SLC35E3: variants seen among roughly 807,000 people sequenced by gnomAD.
SLC35E3 encodes bladder cancer-overexpressed gene 1 protein.
A neutral mutation model predicts 30.8 loss-of-function variants in SLC35E3; 28 were observed. That is an observed-to-expected ratio of 0.91 (90% confidence interval 0.67 to 1.25). The LOEUF (loss-of-function observed/expected upper bound fraction) is 1.25. Ranked by LOEUF, SLC35E3 falls within the 50% of genes most tolerant of loss-of-function variation. The probability of loss-of-function intolerance (pLI) is 0.00; values close to 1 mark genes in which losing one functional copy is unlikely to be tolerated. For missense variants in SLC35E3, 365 were observed against 375.4 expected, an observed-to-expected ratio of 0.97 and a Z score of 0.23; for synonymous variants, 146 against 149.2, an observed-to-expected ratio of 0.98 and a Z score of 0.16.
intron 3 of SLC35E3, among the ~76,000 whole-genome samples, chr12:68,753,832 A>ACACACACC (rs1017957793): frequency 6.6e-6 from 1 of 150,750 alleles, no homozygotes; most frequent in African/African-American, 2.4e-5. Context: ...ACACACACAC[A>ACACACACC]CACCCCAATT....
At position 68,753,111 on chromosome 12, in the gene SLC35E3, C is replaced by CAA. The variant is rs34737156; in HGVS notation, c.672+937_672+938dup. On this transcript the variant is annotated intron_variant, in intron 3 of 4. Coordinates refer to ENST00000398004, the MANE Select transcript of SLC35E3 (RefSeq NM_018656.5). The stretch of plus-strand genomic sequence containing the variant: ...CAGTGAGCTGGGATCACACCTGTCT[C>CAA]AAAAAAAAAAAAAAAAAGAATTAGC... Among the ~76,000 whole-genome samples, 264 of 122,354 alleles carry CAA rather than the reference C, an allele frequency of 2.2e-3. 7 individuals are homozygous for CAA. The highest frequency in any genetic ancestry group is 0.015 in the South Asian group (61 of 4,028). The allele number at this position is 122,354 out of a possible 152,430, so 80.3% of individuals were successfully genotyped here.
chr12:68,753,422 C>T (rs1878879526), intron 3 of SLC35E3, among the ~76,000 whole-genome samples: 1 of 151,810 alleles, frequency 6.6e-6, no homozygotes. Flanking sequence ...CACTGCATTT[C>T]AGCCTGGGCA....
intron 4 of SLC35E3, among the ~76,000 whole-genome samples, chr12:68,761,835 A>G (rs944552197): frequency 5.3e-5 from 8 of 152,158 alleles, no homozygotes; most frequent in African/African-American, 1.9e-4. Flanking sequence ...AAGAGAAAAC[A>G]AGGCTGATTT....
At chr12:68,758,996 T>C (rs1879140487) in intron 3 of SLC35E3, among the ~76,000 whole-genome samples, 161 bp from the exon 4 acceptor site, 1 of 152,194 alleles carries the variant, frequency 6.6e-6, no homozygotes, top group Admixed American at 6.5e-5. Flanking sequence ...CCCAAAGTGC[T>C]GGGATTACAG....
intron 4 of SLC35E3, among the ~76,000 whole-genome samples, chr12:68,763,223 T>C (rs928709541): frequency 2.6e-5 from 4 of 152,200 alleles, no homozygotes; most frequent in African/African-American, 7.2e-5. Context: ...ACCCCTTTTA[T>C]ATAGTGAGGA....
rs1317908862 is a variant in SLC35E3 at position 68,775,011 on chromosome 12, T to C, written c.*10121T>C. 2.0e-5 allele frequency: 3 copies of C among 151,626 alleles called. No homozygotes were observed. The highest frequency in any genetic ancestry group is 7.3e-5 in the African/African-American group (3 of 41,282). 9.4% of individuals were successfully genotyped at this position (151,626 alleles called of 1,614,324 possible). Reference sequence around the variant, plus strand: ...GTAAACCCCTATTTGGCTTACTCACTTAAAAAAATAATAATAATTAGAGAC... The same window carrying C: ...GTAAACCCCTATTTGGCTTACTCACCTAAAAAAATAATAATAATTAGAGAC... On this transcript the variant is annotated 3_prime_UTR_variant, in exon 5 of 5. Transcript: ENST00000398004.
chr12:68,762,938 C>T (rs998575851), intron 4 of SLC35E3, among the ~76,000 whole-genome samples: 1 of 152,162 alleles, frequency 6.6e-6, no homozygotes, highest in Non-Finnish European at 1.5e-5. Context: ...CAGGTGTGAA[C>T]ACTGAGCTCT....
Position 68,765,746 on chromosome 12 carries a change from T to A in SLC35E3, c.*856T>A, listed in dbSNP as rs1177279271. 6.6e-6 allele frequency: 1 copy of A among 151,296 alleles called. No individual in the cohort carries two copies. Among genetic ancestry groups the A allele is most frequent in the Non-Finnish European group, 1.5e-5 (1 of 67,900 alleles). 9.4% of individuals were successfully genotyped at this position (151,296 alleles called of 1,614,324 possible). A position where few individuals can be genotyped will look rare whatever the true frequency, so the allele number is the denominator to read the frequency against. ...TATGTGGGATATATATATATATATA[T>A]ATGGATATGGTTATATATATGGGAT... is the stretch of plus-strand genomic sequence containing the variant. On this transcript the variant is annotated 3_prime_UTR_variant, in exon 5 of 5. Transcript: ENST00000398004.
At chr12:68,747,567 C>T (rs1878640004) in intron 1 of SLC35E3, among the ~76,000 whole-genome samples, 1 of 152,198 alleles carries the variant, frequency 6.6e-6, no homozygotes, top group African/African-American at 2.4e-5. Context: ...CGTGCCTGGC[C>T]TTATATTTAA....
chr12:68,746,830 A>G, intron 1 of SLC35E3, 51 bp downstream of exon 1: 2 of 1,510,956 alleles, frequency 1.3e-6, no homozygotes, highest in Non-Finnish European at 1.8e-6. Flanking sequence ...CACCTCCTGC[A>G]CTGGCCCCGG....
At chr12:68,749,969 G>C (rs1010910753) in intron 2 of SLC35E3, among the ~76,000 whole-genome samples, 2 of 152,120 alleles carry the variant, frequency 1.3e-5, no homozygotes, top group African/African-American at 4.8e-5. Context: ...GTAACTGATG[G>C]CAATGAAGGG....
chr12:68,776,993 C>T lies in SLC35E3; in HGVS notation c.*12103C>T, dbSNP rs1879763956. 6.6e-6 allele frequency: 1 copy of T among 152,110 alleles called. No homozygotes were observed. Among genetic ancestry groups the T allele is most frequent in the African/African-American group, 2.4e-5 (1 of 41,402 alleles). 9.4% of individuals were successfully genotyped at this position (152,110 alleles called of 1,614,324 possible). On this transcript the variant is annotated 3_prime_UTR_variant, in exon 5 of 5. Transcript: ENST00000398004. ...GCCCCATCCCTAGTCACCCCTCATTCCTAGTAGTACCCCCAGTTCTGCTTC... is the reference window on the plus strand; with the variant it reads ...GCCCCATCCCTAGTCACCCCTCATTTCTAGTAGTACCCCCAGTTCTGCTTC...
Position 68,746,629 on chromosome 12 carries a change from C to A in SLC35E3, c.252C>A (p.Phe84Leu). ...GGCTCCTCCTCCTGGCCCTCAGCTT[C>A]TGTGGCTTTGTGGTCTTCACTAACC... The part of the protein sequence containing the change: ...PSRLLLLALS[F>L]CGFVVFTNLS... The change falls in exon 1 of 5, where the codon TTC becomes TTA. Residue 84 changes from phenylalanine (F) to leucine (L), a missense_variant. Coordinates refer to ENST00000398004, the MANE Select transcript of SLC35E3 (RefSeq NM_018656.5). 6.2e-7 allele frequency: 1 copy of A among 1,614,250 alleles called. No individual in the cohort carries two copies. The highest frequency in any genetic ancestry group is 8.5e-7 in the Non-Finnish European group (1 of 1,180,040).
In SLC35E3 at chr12:68,746,204, G is replaced by A; in HGVS notation, c.-174G>A. ...CTAGCTGGCTTACAGGGCGGCGGCGGGGTGTGTGTCCTCTGTTAAGAGTGC... is the reference window on the plus strand; with the variant it reads ...CTAGCTGGCTTACAGGGCGGCGGCGAGGTGTGTGTCCTCTGTTAAGAGTGC... On this transcript the variant is annotated 5_prime_UTR_variant, in exon 1 of 5. Transcript: ENST00000398004. 1.9e-6 allele frequency: 1 copy of A among 532,470 alleles called. No homozygotes were observed. The highest frequency in any genetic ancestry group is 3.2e-6 in the Non-Finnish European group (1 of 311,132). 33.0% of individuals were successfully genotyped at this position (532,470 alleles called of 1,614,324 possible). A position where few individuals can be genotyped will look rare whatever the true frequency, so the allele number is the denominator to read the frequency against.
At position 68,759,178 on chromosome 12, in the gene SLC35E3, G is replaced by A. The variant is rs1879152631; in HGVS notation, c.694G>A (p.Val232Ile). Residue 232 changes from valine to isoleucine, a missense_variant, in exon 4 of 5, where the codon GTA becomes ATA. Val to Ile is a conservative substitution (Grantham distance 29). Transcript: ENST00000398004. ...SALLMVLLSG[V>I]IAFMVNLSIY... ...GTAGCTTATGGTGCTGCTATCTGGA[G>A]TAATAGCTTTCATGGTGAACTTATC... The A allele has an allele frequency of 2.5e-6, 4 of 1,613,100 alleles. No homozygotes were observed. The highest frequency in any genetic ancestry group is 1.1e-5 in the South Asian group (1 of 91,036).
rs1879866361 is a variant in SLC35E3 at position 68,780,799 on chromosome 12, G to C, written c.*15909G>C. The C allele has an allele frequency of 6.6e-6, 1 of 152,054 alleles. No homozygotes were observed. The highest frequency in any genetic ancestry group is 1.5e-5 in the Non-Finnish European group (1 of 68,004). 9.4% of individuals were successfully genotyped at this position (152,054 alleles called of 1,614,324 possible). On this transcript the variant is annotated 3_prime_UTR_variant, in exon 5 of 5. Coordinates refer to ENST00000398004, the MANE Select transcript of SLC35E3 (RefSeq NM_018656.5). ...CGCGCCCAGCTAGTCACGCTTTTTA[G>C]TCAAGATTTTTAAAAATGTCTGCAT...
In SLC35E3 at chr12:68,768,447, G is replaced by A. The variant is rs1190201524; in HGVS notation, c.*3557G>A. 1.3e-5 allele frequency: 2 copies of A among 152,126 alleles called. No individual in the cohort carries two copies. The highest frequency in any genetic ancestry group is 4.8e-5 in the African/African-American group (2 of 41,420). 9.4% of individuals were successfully genotyped at this position (152,126 alleles called of 1,614,324 possible). On this transcript the variant is annotated 3_prime_UTR_variant, in exon 5 of 5. Coordinates refer to ENST00000398004, the MANE Select transcript of SLC35E3 (RefSeq NM_018656.5). ...AATAAAATAAGTACTGCTAAAACTT[G>A]AGTCTGATAAACTTTTTTGCCCCGA...
rs570271404 is a variant in SLC35E3, at chr12:68,764,588, C to T, written c.756-116C>T. On this transcript the variant is annotated intron_variant, in intron 4 of 4. Coordinates refer to ENST00000398004, the MANE Select transcript of SLC35E3 (RefSeq NM_018656.5). ...CAGGCATGATCCACCACGCCTGGTC[C>T]CATTGTTCTTTACATCTGATGGGCT... 1.0e-5 allele frequency: 9 copies of T among 894,926 alleles called. No individual in the cohort carries two copies. The South Asian group carries it at 1.7e-4, about 17-fold the overall frequency. The allele number at this position is 894,926 out of a possible 1,614,324, so 55.4% of individuals were successfully genotyped here.
intron 3 of SLC35E3, among the ~76,000 whole-genome samples, chr12:68,756,092 T>A (rs1878989984): frequency 1.3e-5 from 2 of 152,098 alleles, no homozygotes; most frequent in Non-Finnish European, 2.9e-5. Context: ...TATTTCAAAT[T>A]TATATATTTT....
Sources: allele counts gnomAD v4.1 joint callset (sites outside exome capture counted in the v4.1 genomes callset), GRCh38; gene constraint gnomAD v4.1.1; transcripts MANE v1.5; gene names NCBI Gene and HGNC (gene_info 2026-07-23, HGNC 2026-07-21).